The following EVI5 variants were observed in gnomAD, a reference collection of about 807,000 sequenced individuals.
The protein encoded by EVI5 is ecotropic viral integration site 5 protein homolog.
EVI5 carries 73 observed loss-of-function variants against 112.0 expected under a neutral mutation model. The ratio of observed to expected loss-of-function variants is 0.65; its 90% CI spans 0.54 to 0.79. The LOEUF is 0.79. Among genes scored for constraint, EVI5 ranks in the 30% least tolerant of loss-of-function variants. The probability of loss-of-function intolerance (pLI) is 0.00; values close to 1 mark genes in which losing one functional copy is unlikely to be tolerated. For synonymous variants in EVI5, 305 were observed against 319.9 expected (o/e 0.95, Z 0.50); for missense variants, 900 against 968.8 (o/e 0.93, Z 0.94).
At chr1:92,735,410 C>T (rs888675454) in intron 2 of EVI5, among the ~76,000 whole-genome samples, 12 of 151,644 alleles carry the variant, frequency 7.9e-5, no homozygotes, top group East Asian at 3.9e-4. Flanking sequence ...TTGATTTTGG[C>T]GACAATTTCA....
chr1:92,650,062 A>T (rs894827868), intron 13 of EVI5, among the ~76,000 whole-genome samples: 1 of 152,194 alleles, frequency 6.6e-6, no homozygotes, highest in Non-Finnish European at 1.5e-5. Context: ...TTATGCCAGT[A>T]CTACTTTGAC....
chr1:92,571,718 T>C (rs190329380), intron 18 of EVI5, among the ~76,000 whole-genome samples: 92 of 152,306 alleles, frequency 6.0e-4, no homozygotes, highest in Non-Finnish European at 1.2e-3. Context: ...AGTATTTTTA[T>C]AACTTTCTAT....
chr1:92,762,782 G>A (rs753384305), intron 1 of EVI5, among the ~76,000 whole-genome samples: 1 of 151,986 alleles, frequency 6.6e-6, no homozygotes, highest in Non-Finnish European at 1.5e-5. Flanking sequence ...CTGCTACATC[G>A]ATGTAGTAAA....
At chr1:92,663,913 A>C (rs763189636) in intron 11 of EVI5, among the ~76,000 whole-genome samples, 3 of 152,118 alleles carry the variant, frequency 2.0e-5, no homozygotes, top group African/African-American at 4.8e-5. Flanking sequence ...ACATGTAGCT[A>C]GTTTTAAAAT....
intron 19 of EVI5, among the ~76,000 whole-genome samples, chr1:92,541,147 T>C (rs1230877636): frequency 6.6e-6 from 1 of 152,200 alleles, no homozygotes; most frequent in Non-Finnish European, 1.5e-5. Flanking sequence ...CTTTTAGTGT[T>C]CCATAGAAGA....
intron 14 of EVI5, among the ~76,000 whole-genome samples, chr1:92,633,873 C>T (rs879218422): frequency 1.3e-5 from 2 of 152,134 alleles, no homozygotes; most frequent in Admixed American, 6.6e-5. Flanking sequence ...TAGGGCAGGC[C>T]TGGTGGTGAC....
In EVI5 at chr1:92,666,146, A is replaced by G. The variant is rs1299206390; in HGVS notation, c.1159-154T>C. On this transcript the variant is annotated intron_variant, in intron 10 of 19. Transcript: ENST00000684568. ...AAATGTCAAAGACTCAGAGTAAGAAATACACAGAAGGCAGGGCACCATGGT... is the reference window on the plus strand; with the variant it reads ...AAATGTCAAAGACTCAGAGTAAGAAGTACACAGAAGGCAGGGCACCATGGT... 3.3e-5 allele frequency among the ~76,000 whole-genome samples: 5 copies of G among 152,214 alleles called. No individual in the cohort carries two copies. In the South Asian group the frequency reaches 8.3e-4, roughly 25 times the overall value.
At chr1:92,610,914 A>T (rs770414714) in intron 16 of EVI5, among the ~76,000 whole-genome samples, 2 of 146,802 alleles carry the variant, frequency 1.4e-5, no homozygotes, top group Non-Finnish European at 3.0e-5. Context: ...ACATGGACAT[A>T]GGAAGGGGAA....
intron 18 of EVI5, 137 bp downstream of exon 18, chr1:92,605,170 C>T: frequency 1.5e-6 from 1 of 650,352 alleles, no homozygotes; most frequent in Non-Finnish European, 2.6e-6. Context: ...TATTTTACCA[C>T]AATAAAAAAA....
At chr1:92,687,373 T>C (rs532576291) in intron 9 of EVI5, among the ~76,000 whole-genome samples, 166 of 151,998 alleles carry the variant, frequency 1.1e-3, no homozygotes, top group African/African-American at 3.6e-3. Flanking sequence ...TCCTCACACC[T>C]TATACAAAAA....
intron 18 of EVI5, among the ~76,000 whole-genome samples, chr1:92,589,715 C>A (rs1412185015): frequency 6.6e-6 from 1 of 152,166 alleles, no homozygotes; most frequent in Non-Finnish European, 1.5e-5. Flanking sequence ...CAAAAGGCAG[C>A]AGAAACCTCC....
At chr1:92,527,111 T>A (rs1023532713) in intron 19 of EVI5, among the ~76,000 whole-genome samples, 1 of 152,098 alleles carries the variant, frequency 6.6e-6, no homozygotes, top group Non-Finnish European at 1.5e-5. Flanking sequence ...TGAGGCTATG[T>A]GTGTTTCAAG....
chr1:92,624,688 TCAA>T (rs1473035205), intron 15 of EVI5, among the ~76,000 whole-genome samples: 3 of 41,834 alleles, frequency 7.2e-5, no homozygotes, highest in Admixed American at 4.8e-4. Context: ...AGTCTCTACT[TCAA>T]AAAAAAAAAA....
At chr1:92,708,068 A>G (rs1373343496) in intron 2 of EVI5, among the ~76,000 whole-genome samples, 1 of 152,236 alleles carries the variant, frequency 6.6e-6, no homozygotes, top group East Asian at 1.9e-4. Context: ...AAATACAGGA[A>G]TAAATCTTCA....
intron 19 of EVI5, among the ~76,000 whole-genome samples, chr1:92,526,182 CT>C (rs1226076944): frequency 9.2e-5 from 14 of 152,196 alleles, no homozygotes; most frequent in African/African-American, 3.1e-4. Flanking sequence ...CCTCAGCCTT[CT>C]GAGCAGCTGA....
intron 19 of EVI5, among the ~76,000 whole-genome samples, chr1:92,558,273 C>T (rs550330373): frequency 1.3e-5 from 2 of 152,254 alleles, no homozygotes; most frequent in South Asian, 4.1e-4. Context: ...TATATGAACG[C>T]CATTCACATG....
intron 7 of EVI5, among the ~76,000 whole-genome samples, 181 bp from the exon 8 acceptor site, chr1:92,694,569 T>TA (rs1670009396): frequency 6.6e-6 from 1 of 152,160 alleles, no homozygotes; most frequent in African/African-American, 2.4e-5. Flanking sequence ...CTGTCAAAAT[T>TA]ACTCAGTTCT....
At chr1:92,602,981 A>T (rs1471074246) in intron 18 of EVI5, among the ~76,000 whole-genome samples, 1 of 152,192 alleles carries the variant, frequency 6.6e-6, no homozygotes, top group Admixed American at 6.5e-5. Flanking sequence ...ATATATAAAT[A>T]ACTCCTATAA....
chr1:92,612,159 C>G (rs1444731309), intron 16 of EVI5, among the ~76,000 whole-genome samples: 10 of 151,682 alleles, frequency 6.6e-5, no homozygotes, highest in Admixed American at 6.6e-4. Flanking sequence ...TTTGTTCACC[C>G]AGGTAAGCAT....
Sources: gnomAD v4.1 joint callset for allele counts (sites outside exome capture counted in the v4.1 genomes callset) on GRCh38, gnomAD v4.1.1 for gene constraint, MANE v1.5 for transcripts, NCBI Gene and HGNC (gene_info 2026-07-23, HGNC 2026-07-21) for gene names.